KCNAB1: variants seen among roughly 807,000 people sequenced by gnomAD.
KCNAB1 encodes voltage-gated potassium channel subunit beta-1.
KCNAB1 carries 35 observed loss-of-function variants against 64.6 expected under a neutral mutation model. The observed-to-expected ratio is 0.54, with a 90% confidence interval of 0.41 to 0.72. The LOEUF is 0.72. Among genes scored for constraint, KCNAB1 ranks in the 30% least tolerant of loss-of-function variants. The probability of loss-of-function intolerance (pLI) is 0.00; values close to 1 mark genes in which losing one functional copy is unlikely to be tolerated. For missense variants in KCNAB1, 401 were observed against 512.9 expected (o/e 0.78, Z 2.11); for synonymous variants, 177 against 183.8 (o/e 0.96, Z 0.30).
intron 1 of KCNAB1, among the ~76,000 whole-genome samples, chr3:156,153,321 G>C (rs531862072): frequency 2.0e-5 from 3 of 152,080 alleles, no homozygotes; most frequent in Non-Finnish European, 2.9e-5. Flanking sequence ...CTTAAATCTT[G>C]GATTTTAAGA....
rs1718114951 is a variant in KCNAB1, at chr3:156,523,833, CA to C, written c.968del (p.Gln323ArgfsTer3). The C allele has an allele frequency of 1.2e-6, 2 of 1,612,494 alleles. No individual in the cohort carries two copies. Among genetic ancestry groups the C allele is most frequent in the Non-Finnish European group, 1.7e-6 (2 of 1,178,952 alleles). Reference protein sequence around the residue: ...ESSRASLKCYQWLKERIVSEE... With the variant: ...ESSRASLKCYXWLKERIVSEE... ...ATGTTATGCTTTTCCCCAGTGCTAC[CA>C]GTGGTTGAAAGAAAGAATTGTAAGT... is the stretch of plus-strand genomic sequence containing the variant. On this transcript the variant is annotated frameshift_variant, in exon 12 of 14. Coordinates refer to ENST00000490337, the MANE Select transcript of KCNAB1 (RefSeq NM_172160.3). LOFTEE classifies it high-confidence loss of function.
intron 1 of KCNAB1, among the ~76,000 whole-genome samples, chr3:156,139,080 C>G (rs934821351): frequency 6.6e-6 from 1 of 152,230 alleles, no homozygotes; most frequent in Non-Finnish European, 1.5e-5. Context: ...AAGACATTAA[C>G]TGTCCTTCTC....
chr3:156,428,533 A>ACACACACACACACACACACACC lies in KCNAB1; in HGVS notation c.319+6875_319+6876insACACACACACACACACACACCC, dbSNP rs59772816. ...CACACACACACACACACACACACACACCCTATTGGTTCTGTTTCTCTGGAG... is the reference window on the plus strand; with the variant it reads ...CACACACACACACACACACACACACACACACACACACACACACACACCCCCTATTGGTTCTGTTTCTCTGGAG... On this transcript the variant is annotated intron_variant, in intron 2 of 13. Transcript: ENST00000490337. 1.8e-3 allele frequency among the ~76,000 whole-genome samples: 254 copies of ACACACACACACACACACACACC among 143,094 alleles called. 1 individual carries two copies. Among genetic ancestry groups the ACACACACACACACACACACACC allele is most frequent in the African/African-American group, 5.8e-3 (219 of 37,906 alleles). The allele number at this position is 143,094 out of a possible 152,430, so 93.9% of individuals were successfully genotyped here.
chr3:156,452,645 A>T lies in KCNAB1; in HGVS notation c.320-254A>T, dbSNP rs767704939. ...CATCTTCTAGGACAGGGCTTCCAAT[A>T]GTATGTACAGTGGCTTTCAGTAAAG... On this transcript the variant is annotated intron_variant, in intron 2 of 13. Coordinates refer to ENST00000490337, the MANE Select transcript of KCNAB1 (RefSeq NM_172160.3). This position sits in a 1 kb window ranked among gnomAD's most constrained non-coding sequence, Gnocchi z 4.6. Among the ~76,000 whole-genome samples the T allele has an allele frequency of 3.9e-4, 60 of 152,284 alleles. No homozygotes were observed. Among genetic ancestry groups the T allele is most frequent in the Admixed American group, 2.1e-3 (32 of 15,292 alleles).
chr3:156,244,434 C>T (rs555083349), intron 1 of KCNAB1, among the ~76,000 whole-genome samples: 2 of 152,288 alleles, frequency 1.3e-5, no homozygotes, highest in Non-Finnish European at 2.9e-5. Context: ...ATAATTACAC[C>T]ACCAAAGTCC....
chr3:156,311,930 C>T (rs909874852), intron 1 of KCNAB1, among the ~76,000 whole-genome samples: 10 of 152,190 alleles, frequency 6.6e-5, no homozygotes, highest in East Asian at 3.8e-4. Context: ...AGCCTGTTGA[C>T]GGCTATCCAT....
intron 1 of KCNAB1, among the ~76,000 whole-genome samples, chr3:156,204,710 G>A (rs1057375746): frequency 1.3e-5 from 2 of 152,132 alleles, no homozygotes; most frequent in African/African-American, 4.8e-5. Context: ...GCACATGCCT[G>A]TAGTCCCAGC....
chr3:156,161,261 A>C (rs1186502411), intron 1 of KCNAB1, among the ~76,000 whole-genome samples: 1 of 152,178 alleles, frequency 6.6e-6, no homozygotes, highest in Non-Finnish European at 1.5e-5. Context: ...GGTGCTCACC[A>C]AATCCTGTGG....
chr3:156,246,322 T>C (rs182870581), intron 1 of KCNAB1, among the ~76,000 whole-genome samples: 1 of 152,190 alleles, frequency 6.6e-6, no homozygotes, highest in Admixed American at 6.5e-5. Context: ...AAAGTTAACA[T>C]AGGCCAGGCG....
chr3:156,247,405 C>T, intron 1 of KCNAB1, among the ~76,000 whole-genome samples: 1 of 152,146 alleles, frequency 6.6e-6, no homozygotes, highest in East Asian at 1.9e-4. Flanking sequence ...ACAAAATTAC[C>T]CAACCAATAT....
At chr3:156,248,928 T>C (rs1717634902) in intron 1 of KCNAB1, among the ~76,000 whole-genome samples, 2 of 152,172 alleles carry the variant, frequency 1.3e-5, no homozygotes, top group African/African-American at 4.8e-5. Context: ...TCCATGTGCC[T>C]ATGTTTGGTC....
intron 1 of KCNAB1, among the ~76,000 whole-genome samples, chr3:156,237,581 G>A (rs1716920944): frequency 6.6e-6 from 1 of 152,128 alleles, no homozygotes; most frequent in South Asian, 2.1e-4. Flanking sequence ...TTGGGGGATT[G>A]GAAGTTTTTT....
chr3:156,200,451 A>G (rs1426179875), intron 1 of KCNAB1, among the ~76,000 whole-genome samples: 1 of 152,196 alleles, frequency 6.6e-6, no homozygotes, highest in Non-Finnish European at 1.5e-5. Flanking sequence ...GCTCTGTCCC[A>G]GGGAGATAAA....
chr3:156,312,389 A>T lies in KCNAB1; in HGVS notation c.276-109227A>T, dbSNP rs950099244. ...TAAGAAGGAGACTTTTCATGTGCTA[A>T]AACCAACAAAATTTCCCCAAAATAT... On this transcript the variant is annotated intron_variant, in intron 1 of 13. Coordinates refer to ENST00000490337, the MANE Select transcript of KCNAB1 (RefSeq NM_172160.3). Among the ~76,000 whole-genome samples the T allele has an allele frequency of 1.6e-4, 25 of 152,326 alleles. 1 individual carries two copies. The highest frequency in any genetic ancestry group is 5.8e-4 in the African/African-American group (24 of 41,580).
At chr3:156,121,118 G>T (rs1348553852) in intron 1 of KCNAB1, among the ~76,000 whole-genome samples, 1 of 152,220 alleles carries the variant, frequency 6.6e-6, no homozygotes, top group Non-Finnish European at 1.5e-5. Context: ...GGCAGTAGAT[G>T]CTTAGGAGCT....
chr3:156,330,608 A>G (rs577489648), intron 1 of KCNAB1, among the ~76,000 whole-genome samples: 1 of 152,182 alleles, frequency 6.6e-6, no homozygotes, highest in Non-Finnish European at 1.5e-5. Flanking sequence ...CAGCTCAGCA[A>G]TTCTGTTCTG....
rs6780225 is a variant in KCNAB1, at chr3:156,234,552, G to C, written c.275+113666G>C. Among the ~76,000 whole-genome samples the C allele has an allele frequency of 9.0e-3, 1,373 of 152,218 alleles. 33 individuals are homozygous for C. Among genetic ancestry groups the C allele is most frequent in the African/African-American group, 0.031 (1,272 of 41,522 alleles). Reference sequence around the variant, plus strand: ...TATTTCTTAGCAAAATAGGAAGTGAGGTCAACGCTGGGAGTGGGGATGGGT... The same window carrying C: ...TATTTCTTAGCAAAATAGGAAGTGACGTCAACGCTGGGAGTGGGGATGGGT... On this transcript the variant is annotated intron_variant, in intron 1 of 13. Coordinates refer to ENST00000490337, the MANE Select transcript of KCNAB1 (RefSeq NM_172160.3).
At chr3:156,498,659 A>G (rs1716172258) in intron 8 of KCNAB1, among the ~76,000 whole-genome samples, 1 of 152,240 alleles carries the variant, frequency 6.6e-6, no homozygotes, top group African/African-American at 2.4e-5. Context: ...CTAATTAAAG[A>G]AGACCAATGA....
intron 8 of KCNAB1, among the ~76,000 whole-genome samples, chr3:156,481,864 A>G (rs568170910): frequency 6.6e-6 from 1 of 152,240 alleles, no homozygotes; most frequent in South Asian, 2.1e-4. Context: ...ATGAGTTAAC[A>G]ATGTGGTTAC....
Sources: allele counts gnomAD v4.1 joint callset (sites outside exome capture counted in the v4.1 genomes callset), GRCh38; gene constraint gnomAD v4.1.1; non-coding constraint Gnocchi (gnomAD v3.1); transcripts MANE v1.5; gene names NCBI Gene and HGNC (gene_info 2026-07-23, HGNC 2026-07-21).